The following DAP variants were observed in gnomAD, a reference collection of about 807,000 sequenced individuals.
The protein encoded by DAP is death-associated protein 1.
Under a neutral mutation model 13.8 loss-of-function variants are expected in DAP, and 8 were observed. The observed-to-expected ratio is 0.58, with a 90% CI of 0.34 to 1.05. DAP has a LOEUF of 1.05. DAP is among the 50% of genes least tolerant of loss of function. The probability of loss-of-function intolerance (pLI) is 0.03; values close to 1 mark genes in which losing one functional copy is unlikely to be tolerated. For synonymous variants in DAP, 47 were observed against 47.5 expected (o/e 0.99, Z 0.04); for missense variants, 106 against 133.2 (o/e 0.80, Z 1.01).
chr5:10,745,780 T>C (rs1346202334), intron 2 of DAP, among the ~76,000 whole-genome samples: 1 of 152,234 alleles, frequency 6.6e-6, no homozygotes, highest in African/African-American at 2.4e-5. Context: ...TTCATTAACT[T>C]TCCAGGAACT....
intron 2 of DAP, among the ~76,000 whole-genome samples, chr5:10,726,162 G>A (rs1291016982): frequency 1.3e-5 from 2 of 152,244 alleles, no homozygotes; most frequent in South Asian, 2.1e-4. Flanking sequence ...CTGTTGGACA[G>A]TTGTCATTTA....
At chr5:10,728,704 A>G (rs1441817035) in intron 2 of DAP, among the ~76,000 whole-genome samples, 2 of 152,332 alleles carry the variant, frequency 1.3e-5, no homozygotes, top group African/African-American at 2.4e-5. Context: ...CTTAGATACA[A>G]CTTTCGATCA....
chr5:10,727,556 G>T (rs1188082881), intron 2 of DAP, among the ~76,000 whole-genome samples: 1 of 152,174 alleles, frequency 6.6e-6, no homozygotes, highest in East Asian at 1.9e-4. Flanking sequence ...GTTTAGATGG[G>T]GGGGACTGGG....
Position 10,680,577 on chromosome 5 carries a change from G to T in DAP, c.*479C>A. 1.4e-6 allele frequency: 1 copy of T among 708,070 alleles called. No homozygotes were observed. The highest frequency in any genetic ancestry group is 2.3e-6 in the Non-Finnish European group (1 of 434,170). The allele number at this position is 708,070 out of a possible 1,614,324, so 43.9% of individuals were successfully genotyped here. A position where few individuals can be genotyped will look rare whatever the true frequency, so the allele number is the denominator to read the frequency against. ...TGGCATTGCTGTTCCCTGCCTCTAA[G>T]GTCCTTTATGAGGGGCCGCCCAAAC... On this transcript the variant is annotated 3_prime_UTR_variant, in exon 4 of 4. Coordinates refer to ENST00000230895, the MANE Select transcript of DAP (RefSeq NM_004394.3).
At chr5:10,704,047 C>G (rs1279083013) in intron 2 of DAP, among the ~76,000 whole-genome samples, 1 of 152,238 alleles carries the variant, frequency 6.6e-6, no homozygotes, top group Non-Finnish European at 1.5e-5. Flanking sequence ...CAAATACCAG[C>G]CAGCCTGGTG....
intron 2 of DAP, among the ~76,000 whole-genome samples, chr5:10,738,490 G>A (rs1739672045): frequency 1.3e-5 from 2 of 152,218 alleles, no homozygotes; most frequent in South Asian, 2.1e-4. Context: ...CCTCGCTTCT[G>A]TGCAGCCCCT....
intron 2 of DAP, among the ~76,000 whole-genome samples, chr5:10,703,406 AG>A (rs1003699525): frequency 1.3e-5 from 2 of 151,994 alleles, no homozygotes; most frequent in African/African-American, 4.8e-5. Context: ...GTGCACAGGC[AG>A]GGGGGGTGTC....
chr5:10,687,997 C>T (rs931287426), intron 2 of DAP, among the ~76,000 whole-genome samples: 19 of 150,022 alleles, frequency 1.3e-4, no homozygotes, highest in African/African-American at 4.7e-4. Context: ...CTCACTGCAA[C>T]CTCTACCTCC....
At chr5:10,687,452 G>A (rs1205382730) in intron 2 of DAP, among the ~76,000 whole-genome samples, 1 of 152,220 alleles carries the variant, frequency 6.6e-6, no homozygotes, top group Admixed American at 6.5e-5. Flanking sequence ...ATTAACAGGA[G>A]TTTGGAAGAA....
chr5:10,759,128 A>G (rs926015692), intron 1 of DAP, among the ~76,000 whole-genome samples: 12 of 152,260 alleles, frequency 7.9e-5, no homozygotes, highest in Non-Finnish European at 1.5e-4. Context: ...CGGAGGTTGC[A>G]GTGAGCCAAG....
chr5:10,692,028 C>T (rs560826606), intron 2 of DAP, among the ~76,000 whole-genome samples: 3 of 152,200 alleles, frequency 2.0e-5, no homozygotes, highest in African/African-American at 4.8e-5. Flanking sequence ...ATGCCAGAAA[C>T]GCTCAGTGAC....
At chr5:10,712,308 C>A (rs1738873526) in intron 2 of DAP, among the ~76,000 whole-genome samples, 1 of 150,232 alleles carries the variant, frequency 6.7e-6, no homozygotes, top group Non-Finnish European at 1.5e-5. Context: ...GTCTGTGGCA[C>A]TTTGTTAAGG....
At chr5:10,682,929 G>A (rs373231434) in intron 3 of DAP, among the ~76,000 whole-genome samples, 1 of 152,226 alleles carries the variant, frequency 6.6e-6, no homozygotes, top group African/African-American at 2.4e-5. Flanking sequence ...GGCCTGGGAC[G>A]CTGGCTGGGA....
At chr5:10,723,696 G>A (rs1739214665) in intron 2 of DAP, among the ~76,000 whole-genome samples, 1 of 152,166 alleles carries the variant, frequency 6.6e-6, no homozygotes, top group African/African-American at 2.4e-5. Context: ...TCTATCACAG[G>A]CTCCAGGCCA....
At chr5:10,694,446 A>C (rs967609330) in intron 2 of DAP, among the ~76,000 whole-genome samples, 2 of 152,142 alleles carry the variant, frequency 1.3e-5, no homozygotes, top group Non-Finnish European at 2.9e-5. Context: ...GATTCTAAAC[A>C]GGGTCGAAAC....
At chr5:10,701,273 A>G (rs981140210) in intron 2 of DAP, among the ~76,000 whole-genome samples, 6 of 152,264 alleles carry the variant, frequency 3.9e-5, no homozygotes, top group African/African-American at 1.4e-4. Context: ...AAGATGGAAC[A>G]GGAGCACTAA....
intron 2 of DAP, among the ~76,000 whole-genome samples, chr5:10,747,473 C>G (rs1739934743): frequency 6.6e-6 from 1 of 152,194 alleles, no homozygotes; most frequent in Admixed American, 6.5e-5. Context: ...AATTCTAGAT[C>G]TGGCTGATGA....
At position 10,693,313 on chromosome 5, in the gene DAP, T is replaced by C. The variant is rs538608198; in HGVS notation, c.153-9742A>G. Among the ~76,000 whole-genome samples, 6 of 152,352 alleles carry C rather than the reference T, an allele frequency of 3.9e-5. No homozygotes were observed. In the East Asian group the frequency reaches 1.2e-3, roughly 29 times the overall value. ...ATGGAAGTCTACTCAAGTTATCCTC[T>C]GCAAATGCTGTCTCCTTTTCATGTA... On this transcript the variant is annotated intron_variant, in intron 2 of 3. Coordinates refer to ENST00000230895, the MANE Select transcript of DAP (RefSeq NM_004394.3).
chr5:10,693,249 G>A (rs1346290568), intron 2 of DAP, among the ~76,000 whole-genome samples: 2 of 152,184 alleles, frequency 1.3e-5, no homozygotes, highest in Non-Finnish European at 2.9e-5. Flanking sequence ...AGAGTTGTAC[G>A]TAACAGAATC....
Sources: allele counts gnomAD v4.1 joint callset (sites outside exome capture counted in the v4.1 genomes callset), GRCh38; gene constraint gnomAD v4.1.1; transcripts MANE v1.5; gene names NCBI Gene and HGNC (gene_info 2026-07-23, HGNC 2026-07-21).